PRDM16: variants seen among roughly 807,000 people sequenced by gnomAD.
PRDM16 encodes the protein PR/SET domain 16.
A neutral mutation model predicts 110.6 loss-of-function variants in PRDM16; 23 were observed. That is an observed-to-expected ratio of 0.21 (90% confidence interval 0.15 to 0.29). PRDM16 has a LOEUF of 0.29. Among genes scored for constraint, PRDM16 ranks in the 10% least tolerant of loss-of-function variants. PRDM16 has a pLI of 1.00. For synonymous variants in PRDM16, 799 were observed against 781.8 expected (o/e 1.02, Z -0.37); for missense variants, 1,615 against 1,794.3 (o/e 0.90, Z 1.81).
At chr1:3,074,323 G>A in intron 1 of PRDM16, among the ~76,000 whole-genome samples, 1 of 152,150 alleles carries the variant, frequency 6.6e-6, no homozygotes. Flanking sequence ...GTGAAATTCA[G>A]TGGAATGAAG....
intron 1 of PRDM16, among the ~76,000 whole-genome samples, chr1:3,079,032 G>A (rs1486578013): frequency 3.9e-5 from 6 of 152,236 alleles, no homozygotes; most frequent in Non-Finnish European, 8.8e-5. Context: ...GTGACCGCAG[G>A]GTGGCTGCGG....
intron 3 of PRDM16, among the ~76,000 whole-genome samples, chr1:3,371,154 C>G (rs1419749899): frequency 6.7e-6 from 1 of 149,534 alleles, no homozygotes; most frequent in Non-Finnish European, 1.5e-5. Flanking sequence ...ATCCATTTGT[C>G]CATCCACCCA....
chr1:3,128,958 C>T (rs892018417), intron 1 of PRDM16, among the ~76,000 whole-genome samples: 2 of 152,186 alleles, frequency 1.3e-5, no homozygotes, highest in Non-Finnish European at 2.9e-5. Flanking sequence ...GAAGTGGGAG[C>T]GACTGTGCAG....
In PRDM16 at chr1:3,402,771, C is replaced by CCTCGTT. The variant is rs138423019; in HGVS notation, c.677-16_677-11dup. 1,784 of 1,602,140 alleles carry CCTCGTT rather than the reference C, an allele frequency of 1.1e-3. 20 individuals carry two copies. The African/African-American group carries it at 0.021, about 19-fold the overall frequency. On this transcript the variant is annotated intron_variant, in intron 5 of 16. Coordinates refer to ENST00000270722, the MANE Select transcript of PRDM16 (RefSeq NM_022114.4). ...TGGGTCTCCAGCTCACTCACCACCACCTCGTTCTCTCTCTTGCAGAGGAGC... is the reference window on the plus strand; with the variant it reads ...TGGGTCTCCAGCTCACTCACCACCACCTCGTTCTCGTTCTCTCTCTTGCAGAGGAGC...
At chr1:3,204,530 C>T (rs181079607) in intron 2 of PRDM16, among the ~76,000 whole-genome samples, 2 of 152,336 alleles carry the variant, frequency 1.3e-5, no homozygotes, top group East Asian at 3.9e-4. Context: ...AGCCCTGCCC[C>T]TGTCCCAGGG....
intron 2 of PRDM16, among the ~76,000 whole-genome samples, chr1:3,202,565 C>T (rs1038927434): frequency 6.6e-6 from 1 of 152,192 alleles, no homozygotes; most frequent in African/African-American, 2.4e-5. Context: ...CTGCCCATGT[C>T]CCCTTAAGGG....
intron 1 of PRDM16, among the ~76,000 whole-genome samples, chr1:3,073,939 C>G (rs543811207): frequency 6.6e-6 from 1 of 152,164 alleles, no homozygotes; most frequent in Non-Finnish European, 1.5e-5. Context: ...GGGCGCCAGG[C>G]CCCCCGCTTG....
At chr1:3,414,897 G>T (rs563663199) in intron 10 of PRDM16, among the ~76,000 whole-genome samples, 1 of 152,300 alleles carries the variant, frequency 6.6e-6, no homozygotes, top group African/African-American at 2.4e-5. Flanking sequence ...CCTGGCTCTG[G>T]GCTCCAGGAG....
chr1:3,072,769 C>T (rs755080897), intron 1 of PRDM16, among the ~76,000 whole-genome samples: 4 of 152,234 alleles, frequency 2.6e-5, no homozygotes, highest in Non-Finnish European at 4.4e-5. Context: ...GGGAATCCAG[C>T]GTCTTGCCCC....
intron 2 of PRDM16, among the ~76,000 whole-genome samples, chr1:3,191,514 G>C (rs1273766632): frequency 6.6e-6 from 1 of 152,208 alleles, no homozygotes; most frequent in Non-Finnish European, 1.5e-5. Context: ...AGAGCAAGTA[G>C]AGCCTGCACT....
intron 1 of PRDM16, among the ~76,000 whole-genome samples, chr1:3,176,898 A>G (rs1644097572): frequency 6.6e-6 from 1 of 151,582 alleles, no homozygotes; most frequent in Non-Finnish European, 1.5e-5. Flanking sequence ...CCGTCTAACC[A>G]TCCATCCACC....
At chr1:3,181,359 CGGTCTT>C (rs1557508872) in intron 1 of PRDM16, among the ~76,000 whole-genome samples, 22 of 42,118 alleles carry the variant, frequency 5.2e-4, no homozygotes, top group African/African-American at 9.7e-4. Flanking sequence ...GTCTTACACA[CGGTCTT>C]ACACACGCAG....
intron 1 of PRDM16, among the ~76,000 whole-genome samples, chr1:3,104,755 C>G (rs987890040): frequency 6.6e-6 from 1 of 152,000 alleles, no homozygotes; most frequent in African/African-American, 2.4e-5. Context: ...ACCTGGCCCT[C>G]GCTGTGCATT....
chr1:3,070,457 C>A (rs1338400529), intron 1 of PRDM16, among the ~76,000 whole-genome samples: 1 of 148,972 alleles, frequency 6.7e-6, no homozygotes, highest in Non-Finnish European at 1.5e-5. Context: ...CCGCCGAAGC[C>A]CCGGCTGCAG....
chr1:3,425,480 G>T lies in PRDM16; in HGVS notation c.2940-101G>T. The T allele has an allele frequency of 1.5e-6, 2 of 1,301,850 alleles. No individual in the cohort carries two copies. Among genetic ancestry groups the T allele is most frequent in the South Asian group, 1.4e-5 (1 of 72,284 alleles). The allele number at this position is 1,301,850 out of a possible 1,614,324, so 80.6% of individuals were successfully genotyped here. ...ACGGCGGGGCAAAGCTGTGCACGGG[G>T]CACGGGGCAGGGGCGCGGGCTCCCT... On this transcript the variant is annotated intron_variant, in intron 12 of 16. Coordinates refer to ENST00000270722, the MANE Select transcript of PRDM16 (RefSeq NM_022114.4). The surrounding 1 kb of genome is among the most constrained non-coding windows in gnomAD (Gnocchi z 6.9).
intron 2 of PRDM16, among the ~76,000 whole-genome samples, chr1:3,232,222 C>G (rs774411521): frequency 6.6e-6 from 1 of 152,220 alleles, no homozygotes; most frequent in Non-Finnish European, 1.5e-5. Flanking sequence ...CCAAATGGAA[C>G]CAGTTCAAGG....
intron 1 of PRDM16, among the ~76,000 whole-genome samples, chr1:3,183,345 C>T (rs1355203242): frequency 6.6e-6 from 1 of 152,228 alleles, no homozygotes; most frequent in East Asian, 1.9e-4. Flanking sequence ...TCCGGGGACC[C>T]CAGAGAGCGA....
chr1:3,409,955 C>CAT (rs1643652144), intron 8 of PRDM16, among the ~76,000 whole-genome samples: 1 of 68,180 alleles, frequency 1.5e-5, no homozygotes. Context: ...GGTGTGTGTG[C>CAT]GTGTGGGGGG....
At chr1:3,134,932 A>C (rs1333483286) in intron 1 of PRDM16, among the ~76,000 whole-genome samples, 1 of 152,062 alleles carries the variant, frequency 6.6e-6, no homozygotes, top group Non-Finnish European at 1.5e-5. Context: ...CGGGGATTAG[A>C]CGGCCGAGCT....
Sources: allele counts gnomAD v4.1 joint callset (sites outside exome capture counted in the v4.1 genomes callset), GRCh38; gene constraint gnomAD v4.1.1; non-coding constraint Gnocchi (gnomAD v3.1); transcripts MANE v1.5; gene names NCBI Gene and HGNC (gene_info 2026-07-23, HGNC 2026-07-21).